CHM: variants seen among roughly 807,000 people sequenced by gnomAD.
CHM encodes CHM Rab escort protein, also known as rab proteins geranylgeranyltransferase component A 1.
Under a neutral mutation model 49.0 loss-of-function variants are expected in CHM, and 10 were observed. The ratio of observed to expected loss-of-function variants is 0.20; its 90% CI spans 0.13 to 0.35. CHM has a LOEUF of 0.35. Ranked by LOEUF, CHM falls within the 10% of genes least tolerant of loss-of-function variation. CHM has a pLI of 1.00. For missense variants in CHM, 455 were observed against 478.4 expected (o/e 0.95, Z 0.46); for synonymous variants, 184 against 167.5 (o/e 1.10, Z -0.76).
Position 85,958,917 on chromosome X carries a change from C to T in CHM, c.763G>A (p.Ala255Thr). The T allele has an allele frequency of 2.5e-6, 3 of 1,211,272 alleles. No homozygotes were observed. The highest frequency in any genetic ancestry group is 3.4e-6 in the Non-Finnish European group (3 of 895,275). The change falls in exon 6 of 15, where the codon GCA (alanine) becomes ACA (threonine). Residue 255 changes from alanine (A) to threonine (T), a missense_variant. Physicochemically the swap from Ala to Thr is moderately conservative, Grantham distance 58 (BLOSUM62 0). Coordinates refer to ENST00000357749, the MANE Select transcript of CHM (RefSeq NM_000390.4). ...LLIKSNVSRY[A>T]EFKNITRILA... ...ATCCTGGTAATATTTTTAAACTCTG[C>T]ATATCGACTAACATTAGATTTGATT...
At chrX:86,040,899 C>T (rs977905648) in intron 1 of CHM, among the ~76,000 whole-genome samples, 4 of 111,984 alleles carry the variant, frequency 3.6e-5, no homozygotes, top group African/African-American at 1.3e-4. Flanking sequence ...CCAATGAGCA[C>T]CAACAGTGAT....
chrX:86,029,420 A>G (rs750071631), intron 1 of CHM, among the ~76,000 whole-genome samples: 1 of 112,011 alleles, frequency 8.9e-6, no homozygotes, highest in Admixed American at 9.5e-5. Context: ...AGGAAGCAGA[A>G]TTAGTAGTTA....
intron 8 of CHM, among the ~76,000 whole-genome samples, chrX:85,954,321 G>A (rs1269522536): frequency 8.9e-6 from 1 of 111,870 alleles, no homozygotes; most frequent in Non-Finnish European, 1.9e-5. Flanking sequence ...TGAACACTGT[G>A]GGTGGGAGTG....
intron 13 of CHM, among the ~76,000 whole-genome samples, chrX:85,875,072 T>C (rs1208678091): frequency 9.0e-6 from 1 of 111,505 alleles, no homozygotes; most frequent in African/African-American, 3.3e-5. Flanking sequence ...AATAATCCAA[T>C]AGATTTAAAC....
At position 85,998,845 on chromosome X, in the gene CHM, T is replaced by C. The variant is rs756859749; in HGVS notation, c.117-17036A>G. On this transcript the variant is annotated intron_variant, in intron 2 of 14. Coordinates refer to ENST00000357749, the MANE Select transcript of CHM (RefSeq NM_000390.4). ...ATCAGAAGTTGGGGACAATCTATATTGATGGTCTATTGGGAGTGGTATATG... is the reference window on the plus strand; with the variant it reads ...ATCAGAAGTTGGGGACAATCTATATCGATGGTCTATTGGGAGTGGTATATG... 4.5e-5 allele frequency among the ~76,000 whole-genome samples: 5 copies of C among 111,567 alleles called. No individual in the cohort carries two copies. In the East Asian group the frequency reaches 1.4e-3, roughly 32 times the overall value.
chrX:86,018,461 T>G (rs972892162), intron 2 of CHM, among the ~76,000 whole-genome samples: 3 of 112,115 alleles, frequency 2.7e-5, no homozygotes, highest in Admixed American at 9.5e-5. Flanking sequence ...CTCTGCAAAA[T>G]AGCTTGGCAA....
chrX:85,944,429 G>A (rs750096251), intron 8 of CHM, among the ~76,000 whole-genome samples: 2 of 112,110 alleles, frequency 1.8e-5, no homozygotes, highest in Admixed American at 9.5e-5. Context: ...CCATGGTTAT[G>A]ACAAAATCAC....
chrX:85,937,107 A>G (rs1569419028), intron 8 of CHM, among the ~76,000 whole-genome samples: 2 of 109,500 alleles, frequency 1.8e-5, no homozygotes, highest in Non-Finnish European at 3.8e-5. Flanking sequence ...TCTACTAAAA[A>G]TACAAAAAAT....
chrX:85,893,574 T>G (rs1925620570), intron 12 of CHM, among the ~76,000 whole-genome samples: 1 of 111,266 alleles, frequency 9.0e-6, no homozygotes, highest in African/African-American at 3.3e-5. Flanking sequence ...CAAAAGTTAT[T>G]AAGAGGTAGG....
chrX:85,892,734 C>A (rs1463776659), intron 12 of CHM, among the ~76,000 whole-genome samples: 1 of 111,155 alleles, frequency 9.0e-6, no homozygotes, highest in Non-Finnish European at 1.9e-5. Flanking sequence ...GTTTTCTTAA[C>A]CCTCTCTGCT....
intron 1 of CHM, among the ~76,000 whole-genome samples, chrX:86,032,164 G>A (rs964858400): frequency 9.8e-5 from 11 of 112,001 alleles, no homozygotes; most frequent in Non-Finnish European, 1.9e-4. Flanking sequence ...AAACATGTAC[G>A]TGCTTATTTT....
chrX:85,970,350 TA>T, intron 4 of CHM: 1 of 746,512 alleles, frequency 1.3e-6, no homozygotes, highest in Non-Finnish European at 1.6e-6. Context: ...TACATTACAA[TA>T]CTATATAGTA....
chrX:86,009,443 T>C (rs1180038996), intron 2 of CHM, among the ~76,000 whole-genome samples: 2 of 111,997 alleles, frequency 1.8e-5, no homozygotes, highest in African/African-American at 6.5e-5. Context: ...GCTTCCAACA[T>C]TTCCTTCAAA....
chrX:85,886,523 G>A (rs748128113), intron 12 of CHM, among the ~76,000 whole-genome samples: 3 of 111,399 alleles, frequency 2.7e-5, no homozygotes, highest in Non-Finnish European at 3.8e-5. Context: ...AATGAGTTAC[G>A]AACAGGTTTG....
At chrX:86,045,149 AT>A (rs1934605701) in intron 1 of CHM, among the ~76,000 whole-genome samples, 1 of 112,001 alleles carries the variant, frequency 8.9e-6, no homozygotes, top group Admixed American at 9.5e-5. Flanking sequence ...CTATTTCTTC[AT>A]GTTTCTGATG....
At chrX:85,901,853 G>C (rs944422415) in intron 9 of CHM, among the ~76,000 whole-genome samples, 3 of 111,824 alleles carry the variant, frequency 2.7e-5, no homozygotes, top group Non-Finnish European at 5.7e-5. Flanking sequence ...TCTGTCATCT[G>C]ATATGTGTTG....
intron 13 of CHM, among the ~76,000 whole-genome samples, chrX:85,874,009 G>A (rs1924266969): frequency 9.0e-6 from 1 of 111,190 alleles, no homozygotes; most frequent in Non-Finnish European, 1.9e-5. Flanking sequence ...TGAGCTAGGA[G>A]CTGGGGATAT....
At chrX:85,877,357 T>C (rs1312709830) in intron 13 of CHM, among the ~76,000 whole-genome samples, 6 of 111,425 alleles carry the variant, frequency 5.4e-5, no homozygotes, top group Non-Finnish European at 9.4e-5. Flanking sequence ...ACAAACTTAA[T>C]GTGTTCTCAC....
intron 4 of CHM, chrX:85,970,597 A>G (rs750884137): frequency 2.3e-4 from 47 of 205,087 alleles, no homozygotes; most frequent in Non-Finnish European, 3.3e-4. Context: ...TGTCAGTAAG[A>G]TGTACCTATA....
Sources: allele counts gnomAD v4.1 joint callset (sites outside exome capture counted in the v4.1 genomes callset), GRCh38; gene constraint gnomAD v4.1.1; transcripts MANE v1.5; gene names NCBI Gene and HGNC (gene_info 2026-07-23, HGNC 2026-07-21).